The following NPAS3 variants were observed in gnomAD, a reference collection of about 807,000 sequenced individuals.
NPAS3 encodes neuronal PAS domain-containing protein 3.
Under a neutral mutation model 73.1 loss-of-function variants are expected in NPAS3, and 14 were observed. The observed-to-expected ratio is 0.19, with a 90% CI of 0.13 to 0.30. The LOEUF (loss-of-function observed/expected upper bound fraction) is 0.30. Ranked by LOEUF, NPAS3 falls within the 10% of genes least tolerant of loss-of-function variation. The probability of loss-of-function intolerance (pLI) is 1.00; values close to 1 mark genes in which losing one functional copy is unlikely to be tolerated. For missense variants in NPAS3, 1,096 were observed against 1,250.0 expected, an observed-to-expected ratio of 0.88 and a Z score of 1.86; for synonymous variants, 620 against 541.5, an observed-to-expected ratio of 1.14 and a Z score of -2.01.
intron 4 of NPAS3, among the ~76,000 whole-genome samples, chr14:33,394,020 G>T (rs558887077): frequency 5.9e-5 from 9 of 152,334 alleles, no homozygotes; most frequent in South Asian, 2.1e-4. Flanking sequence ...GCAGTCAATA[G>T]CAAGGCTTGT....
At chr14:33,761,877 T>C (rs1199274599) in intron 7 of NPAS3, among the ~76,000 whole-genome samples, 2 of 152,208 alleles carry the variant, frequency 1.3e-5, no homozygotes, top group Non-Finnish European at 2.9e-5. Flanking sequence ...CAACTTAGGC[T>C]ACATGTACTC....
chr14:33,601,516 C>T (rs1445714662), intron 5 of NPAS3, among the ~76,000 whole-genome samples: 10 of 152,220 alleles, frequency 6.6e-5, no homozygotes, highest in African/African-American at 2.4e-4. Flanking sequence ...ACTGGAAAAC[C>T]AGCTTGGAGA....
chr14:33,017,066 G>T (rs57594255), intron 1 of NPAS3, among the ~76,000 whole-genome samples: 16,869 of 152,014 alleles, frequency 0.11, 987 homozygotes, highest in East Asian at 0.23. Context: ...GCCCCTAACT[G>T]CCTTCAATCG....
At chr14:33,666,740 T>C (rs2059461067) in intron 5 of NPAS3, among the ~76,000 whole-genome samples, 1 of 152,248 alleles carries the variant, frequency 6.6e-6, no homozygotes, top group Non-Finnish European at 1.5e-5. Context: ...TTTCTATGTT[T>C]CTTTTAATTA....
At chr14:33,302,620 G>A (rs3844011) in intron 3 of NPAS3, among the ~76,000 whole-genome samples, 110,283 of 152,106 alleles carry the variant, frequency 0.73, 40,407 homozygotes, top group African/African-American at 0.83. Flanking sequence ...GACTGACCTA[G>A]ATTTTATAAG....
intron 5 of NPAS3, among the ~76,000 whole-genome samples, chr14:33,583,115 T>A (rs1281856566): frequency 6.6e-6 from 1 of 151,998 alleles, no homozygotes; most frequent in East Asian, 1.9e-4. Flanking sequence ...AAGTGAATAA[T>A]TGTTCTGTAG....
chr14:33,726,638 A>C lies in NPAS3; in HGVS notation c.734-8576A>C, dbSNP rs111745702. ...GTTATTCTTTATAGCATTCATCACC[A>C]CCTGAAATTATTGTATCTATTTTTG... On this transcript the variant is annotated intron_variant, in intron 6 of 11. Transcript: ENST00000356141. Among the ~76,000 whole-genome samples, 37 of 152,006 alleles carry C rather than the reference A, an allele frequency of 2.4e-4. 1 individual carries two copies. Among genetic ancestry groups the C allele is most frequent in the Admixed American group, 1.3e-4 (2 of 15,258 alleles).
intron 5 of NPAS3, among the ~76,000 whole-genome samples, chr14:33,601,547 A>G (rs2057399341): frequency 6.6e-6 from 1 of 152,178 alleles, no homozygotes; most frequent in Non-Finnish European, 1.5e-5. Flanking sequence ...ATTTAATTTG[A>G]TCTCACAAAT....
intron 7 of NPAS3, among the ~76,000 whole-genome samples, chr14:33,738,774 AG>A (rs2061586301): frequency 1.3e-5 from 2 of 152,288 alleles, no homozygotes; most frequent in East Asian, 1.9e-4. Context: ...CCTGTTGTTT[AG>A]GCCTCACTGT....
intron 3 of NPAS3, among the ~76,000 whole-genome samples, chr14:33,363,458 G>A (rs909119582): frequency 9.2e-5 from 14 of 152,058 alleles, no homozygotes; most frequent in African/African-American, 7.2e-5. Context: ...GTGATTCATC[G>A]GATCATTTTG....
At chr14:33,210,197 T>C (rs532644690) in intron 2 of NPAS3, among the ~76,000 whole-genome samples, 18 of 152,190 alleles carry the variant, frequency 1.2e-4, no homozygotes, top group Non-Finnish European at 2.4e-4. Context: ...TTACCTCTTT[T>C]AATTAAATAA....
chr14:33,407,938 A>G (rs1035535046), intron 4 of NPAS3, among the ~76,000 whole-genome samples: 2 of 152,198 alleles, frequency 1.3e-5, no homozygotes, highest in African/African-American at 4.8e-5. Flanking sequence ...GGTGGCTAAA[A>G]TGAATAGAAA....
chr14:33,797,375 C>A, intron 10 of NPAS3, 82 bp from the exon 11 acceptor site: 1 of 1,464,452 alleles, frequency 6.8e-7, no homozygotes, highest in Non-Finnish European at 9.4e-7. Flanking sequence ...AAGTCTGGGA[C>A]AAAGAAGTGG....
At chr14:33,743,059 A>G (rs1443037693) in intron 7 of NPAS3, among the ~76,000 whole-genome samples, 3 of 150,466 alleles carry the variant, frequency 2.0e-5, no homozygotes, top group Middle Eastern at 3.4e-3. Flanking sequence ...GTCATCCATA[A>G]GGGTTAGAAT....
intron 2 of NPAS3, among the ~76,000 whole-genome samples, chr14:33,141,654 G>A (rs148185643): frequency 6.6e-6 from 1 of 152,174 alleles, no homozygotes; most frequent in African/African-American, 2.4e-5. Flanking sequence ...ATACATATAT[G>A]GATATACTAT....
chr14:33,049,863 C>T (rs1329517895), intron 1 of NPAS3, among the ~76,000 whole-genome samples: 3 of 152,174 alleles, frequency 2.0e-5, no homozygotes, highest in Non-Finnish European at 2.9e-5. Context: ...AAAGCAGGAC[C>T]CATCTAATTA....
At chr14:33,493,434 T>C (rs1165979609) in intron 4 of NPAS3, among the ~76,000 whole-genome samples, 1 of 152,024 alleles carries the variant, frequency 6.6e-6, no homozygotes, top group Non-Finnish European at 1.5e-5. Context: ...TTTGTGACTC[T>C]GAAACCATAG....
intron 5 of NPAS3, among the ~76,000 whole-genome samples, chr14:33,627,275 C>A (rs1338813017): frequency 6.6e-6 from 1 of 152,026 alleles, no homozygotes; most frequent in African/African-American, 2.4e-5. Flanking sequence ...AGTTGTTTTT[C>A]TTTCTTAGTC....
intron 4 of NPAS3, among the ~76,000 whole-genome samples, chr14:33,394,518 G>T (rs190332273): frequency 1.4e-3 from 209 of 152,216 alleles, no homozygotes; most frequent in Admixed American, 2.7e-3. Flanking sequence ...CCCCTGGCTT[G>T]TCCTATTCAG....
Sources: gnomAD v4.1 joint callset for allele counts (sites outside exome capture counted in the v4.1 genomes callset) on GRCh38, gnomAD v4.1.1 for gene constraint, MANE v1.5 for transcripts, NCBI Gene and HGNC (gene_info 2026-07-23, HGNC 2026-07-21) for gene names.